CAPN11: variants seen among roughly 807,000 people sequenced by gnomAD.
CAPN11 encodes the protein calpain-11.
CAPN11 carries 108 observed loss-of-function variants against 105.3 expected under a neutral mutation model. The observed-to-expected ratio is 1.03, with a 90% CI of 0.88 to 1.20. The LOEUF (loss-of-function observed/expected upper bound fraction) is 1.20. Among genes scored for constraint, CAPN11 ranks in the 50% most tolerant of loss-of-function variants. The pLI is 0.00. For synonymous variants in CAPN11, 329 were observed against 344.5 expected, an observed-to-expected ratio of 0.96 and a Z score of 0.50; for missense variants, 883 against 924.8, an observed-to-expected ratio of 0.95 and a Z score of 0.59.
At chr6:44,182,897 C>A (rs765378253) in intron 19 of CAPN11, 44 bp from the exon 20 acceptor site, 32 of 1,417,648 alleles carry the variant, frequency 2.3e-5, no homozygotes, top group Non-Finnish European at 2.9e-5. Context: ...ATTTCAACCA[C>A]CATGCCATGC....
rs1554132212 is a variant in CAPN11 at position 44,181,449 on chromosome 6, T to TCTCA, written c.1938+130_1938+131insTCAC. 618 of 293,474 alleles carry TCTCA rather than the reference T, an allele frequency of 2.1e-3. 59 individuals carry two copies. In the African/African-American group the frequency reaches 0.028, roughly 13 times the overall value. 18.2% of individuals were successfully genotyped at this position (293,474 alleles called of 1,614,324 possible). ...ACACACACACCCAACCACACCACAC[T>TCTCA]CACACACACACACACACACTCACAT... On this transcript the variant is annotated intron_variant, in intron 19 of 22. Transcript: ENST00000398776.
intron 2 of CAPN11, among the ~76,000 whole-genome samples, chr6:44,168,543 C>T (rs552288841): frequency 6.6e-6 from 1 of 152,142 alleles, no homozygotes; most frequent in Admixed American, 6.5e-5. Flanking sequence ...GCTGGGATTA[C>T]AGGCATGAGC....
At chr6:44,170,001 T>C in intron 4 of CAPN11, 26 bp downstream of exon 4, 1 of 1,579,456 alleles carries the variant, frequency 6.3e-7, no homozygotes, top group Non-Finnish European at 8.7e-7. Context: ...GAAGCTGGTC[T>C]CCACCTGGGC....
intron 2 of CAPN11, 118 bp downstream of exon 2, chr6:44,166,947 C>CGGGG: frequency 3.7e-6 from 1 of 267,446 alleles, no homozygotes; most frequent in Non-Finnish European, 7.7e-6. Flanking sequence ...GTGGGGAGGG[C>CGGGG]GGCGGGGGGA....
chr6:44,177,458 C>T, intron 12 of CAPN11, 38 bp downstream of exon 12: 1 of 1,511,994 alleles, frequency 6.6e-7, no homozygotes. Context: ...ACTCACTCTC[C>T]CTCACCTGAC....
chr6:44,178,673 G>A (rs1433564456), intron 12 of CAPN11, among the ~76,000 whole-genome samples: 3 of 150,486 alleles, frequency 2.0e-5, no homozygotes, highest in African/African-American at 7.4e-5. Flanking sequence ...TTGAGAGGCC[G>A]AGGTGGGAGG....
chr6:44,160,344 G>A (rs959543128), intron 1 of CAPN11, among the ~76,000 whole-genome samples: 2 of 151,826 alleles, frequency 1.3e-5, no homozygotes, highest in East Asian at 1.9e-4. Flanking sequence ...CTGGCCGGGC[G>A]CAGTGGCTCA....
chr6:44,173,248 G>A lies in CAPN11; in HGVS notation c.693G>A (p.Gly231=), dbSNP rs767056484. The change falls in exon 7 of 23, where the codon GGG becomes GGA. Residue 231 remains glycine (G), a synonymous_variant. Coordinates refer to ENST00000398776, the MANE Select transcript of CAPN11 (RefSeq NM_007058.4). ...GTGGGTCCTATGAAGCATTGTCAGG[G>A]GGCAGTACCATGGAGGGCCTTGAGG... ...KLSGSYEALS[G]GSTMEGLEDF... 2 of 1,613,888 alleles carry A rather than the reference G, an allele frequency of 1.2e-6. No homozygotes were observed. The highest frequency in any genetic ancestry group is 1.7e-6 in the Non-Finnish European group (2 of 1,179,876).
intron 11 of CAPN11, 82 bp downstream of exon 11, chr6:44,177,080 C>A: frequency 6.6e-7 from 1 of 1,522,494 alleles, no homozygotes; most frequent in Non-Finnish European, 9.0e-7. Flanking sequence ...ACCTGGGGCA[C>A]GAGTCACCGG....
intron 12 of CAPN11, among the ~76,000 whole-genome samples, chr6:44,178,162 G>T (rs116655107): frequency 6.6e-6 from 1 of 152,074 alleles, no homozygotes; most frequent in Non-Finnish European, 1.5e-5. Flanking sequence ...TTGTTCCAAA[G>T]GTCTTAGGAA....
intron 11 of CAPN11, 91 bp downstream of exon 11, chr6:44,177,089 G>T: frequency 6.6e-7 from 1 of 1,507,344 alleles, no homozygotes; most frequent in Non-Finnish European, 9.1e-7. Flanking sequence ...ACGAGTCACC[G>T]GAGTCAGGGT....
rs781232129 is a variant in CAPN11 at position 44,180,079 on chromosome 6, A to G, written c.1556A>G (p.Tyr519Cys). Residue 519 changes from tyrosine to cysteine, a missense_variant, in exon 14 of 23, where the codon TAT becomes TGT. Coordinates refer to ENST00000398776, the MANE Select transcript of CAPN11 (RefSeq NM_007058.4). ...SSQLRLPPGE[Y>C]IIIPSTFEPH... Reference sequence around the variant, plus strand: ...CAACTCCGGCTGCCTCCGGGGGAATATATCATTATTCCCTCCACCTTTGAG... The same window carrying G: ...CAACTCCGGCTGCCTCCGGGGGAATGTATCATTATTCCCTCCACCTTTGAG... The G allele has an allele frequency of 6.2e-7, 1 of 1,613,076 alleles. No individual in the cohort carries two copies. The highest frequency in any genetic ancestry group is 1.3e-5 in the African/African-American group (1 of 74,756).
In CAPN11 at chr6:44,177,762, C is replaced by T. The variant is rs143242876; in HGVS notation, c.1416+342C>T. On this transcript the variant is annotated intron_variant, in intron 12 of 22. Coordinates refer to ENST00000398776, the MANE Select transcript of CAPN11 (RefSeq NM_007058.4). ...TCGGCCTCCCAAAGTGTTGGAATTA[C>T]AGGTGTGAGCCACCACACCCGGCTG... Among the ~76,000 whole-genome samples the T allele has an allele frequency of 3.7e-4, 57 of 152,276 alleles. No individual in the cohort carries two copies. The East Asian group carries it at 6.8e-3, about 18-fold the overall frequency.
At position 44,176,656 on chromosome 6, in the gene CAPN11, G is replaced by T; in HGVS notation, c.1076+1G>T. On this transcript the variant is annotated splice_donor_variant, in intron 10 of 22. Transcript: ENST00000398776. LOFTEE classifies it high-confidence loss of function. ...ACAAGACGGAGGACGGGGAGTTCTG[G>T]TCAGTGTGGCTTGGGGTGGGCTTCT... 6.3e-7 allele frequency: 1 copy of T among 1,597,678 alleles called. No homozygotes were observed. Among genetic ancestry groups the T allele is most frequent in the Admixed American group, 1.7e-5 (1 of 58,992 alleles).
At chr6:44,179,002 G>T (rs1237566858) in intron 12 of CAPN11, among the ~76,000 whole-genome samples, 1 of 152,160 alleles carries the variant, frequency 6.6e-6, no homozygotes, top group African/African-American at 2.4e-5. Flanking sequence ...ACACTGAGGT[G>T]CTGATAAGCC....
chr6:44,169,885 A>T, intron 3 of CAPN11, 21 bp from the exon 4 acceptor site: 1 of 1,593,672 alleles, frequency 6.3e-7, no homozygotes, highest in Non-Finnish European at 8.6e-7. Context: ...GCCCCCTGAA[A>T]CCTTTATTCC....
chr6:44,180,936 A>G lies in CAPN11; in HGVS notation c.1808A>G (p.Lys603Arg), dbSNP rs200334957. 6.2e-7 allele frequency: 1 copy of G among 1,613,506 alleles called. No individual in the cohort carries two copies. The highest frequency in any genetic ancestry group is 8.5e-7 in the Non-Finnish European group (1 of 1,179,652). ...CTACCCCTTCCCTTCCTCACAGTCA[A>G]AAGCTTCAAGACCAAGGGCTTTGGC... Reference protein sequence around the residue: ...RLLNRMAIKFKSFKTKGFGLD... With the variant: ...RLLNRMAIKFRSFKTKGFGLD... The change falls in exon 18 of 23, where the codon AAA becomes AGA. Residue 603 changes from lysine to arginine, a missense_variant. Transcript: ENST00000398776.
Position 44,181,005 on chromosome 6 carries a change from C to T in CAPN11, c.1869+8C>T. The T allele has an allele frequency of 1.2e-6, 2 of 1,611,672 alleles. No homozygotes were observed. Among genetic ancestry groups the T allele is most frequent in the Non-Finnish European group, 1.7e-6 (2 of 1,177,876 alleles). On this transcript the variant is annotated splice_region_variant and intron_variant, in intron 18 of 22. Transcript: ENST00000398776. ...ATGATCAACCTCATGGATGTATCCT[C>T]CTGTCCAGTGCTCTCTTGGCCCTGT...
chr6:44,179,034 G>A (rs1772669730), intron 12 of CAPN11, among the ~76,000 whole-genome samples: 1 of 152,138 alleles, frequency 6.6e-6, no homozygotes, highest in Admixed American at 6.5e-5. Flanking sequence ...AGAGCAACCT[G>A]TTTAACTTGG....
Sources: allele counts gnomAD v4.1 joint callset (sites outside exome capture counted in the v4.1 genomes callset), GRCh38; gene constraint gnomAD v4.1.1; transcripts MANE v1.5; gene names NCBI Gene and HGNC (gene_info 2026-07-23, HGNC 2026-07-21).